Variants in SNTG2 observed in about 807,000 individuals in gnomAD.
SNTG2 encodes syntrophin gamma 2.
Under a neutral mutation model 70.9 loss-of-function variants are expected in SNTG2, and 74 were observed. The observed-to-expected ratio is 1.04, with a 90% CI of 0.86 to 1.27. The LOEUF (loss-of-function observed/expected upper bound fraction) is 1.27. Ranked by LOEUF, SNTG2 falls within the 50% of genes most tolerant of loss-of-function variation. The pLI is 0.00. For missense variants in SNTG2, 717 were observed against 690.7 expected (o/e 1.04, Z -0.43); for synonymous variants, 278 against 273.8 (o/e 1.02, Z -0.15).
intron 1 of SNTG2, among the ~76,000 whole-genome samples, chr2:1,002,955 A>T (rs1212679506): frequency 1.3e-5 from 2 of 152,004 alleles, no homozygotes; most frequent in African/African-American, 4.8e-5. Context: ...AGCAACATGG[A>T]TGGAAGTGGA....
intron 1 of SNTG2, among the ~76,000 whole-genome samples, chr2:1,054,405 G>C (rs1662261255): frequency 6.6e-6 from 1 of 152,186 alleles, no homozygotes; most frequent in East Asian, 1.9e-4. Flanking sequence ...TAACTCTAAT[G>C]AGGGGTTTAC....
chr2:1,139,356 C>T (rs1014538878), intron 6 of SNTG2, among the ~76,000 whole-genome samples: 10 of 152,278 alleles, frequency 6.6e-5, no homozygotes, highest in Admixed American at 5.9e-4. Context: ...CTCAGCCTCC[C>T]AAGGAGCTGG....
chr2:1,054,290 C>T (rs1237393017), intron 1 of SNTG2, among the ~76,000 whole-genome samples: 1 of 151,868 alleles, frequency 6.6e-6, no homozygotes, highest in Admixed American at 6.5e-5. Context: ...GAGAGGCGGC[C>T]CACACCTGGG....
intron 6 of SNTG2, chr2:1,160,577 A>C (rs1015310551): frequency 6.6e-6 from 1 of 152,150 alleles, no homozygotes; most frequent in Non-Finnish European, 1.5e-5. Flanking sequence ...GCTACTCACC[A>C]GCCCATTTCG....
intron 1 of SNTG2, among the ~76,000 whole-genome samples, chr2:1,041,281 A>G (rs1261471282): frequency 2.0e-5 from 3 of 152,176 alleles, no homozygotes; most frequent in Non-Finnish European, 4.4e-5. Context: ...GCCTGCAAGG[A>G]AACTTTGCTA....
In SNTG2 at chr2:1,152,574, GCA is replaced by G. The variant is rs1491319376; in HGVS notation, c.412-12973_412-12972del. On this transcript the variant is annotated intron_variant, in intron 6 of 16. Coordinates refer to ENST00000308624, the MANE Select transcript of SNTG2 (RefSeq NM_018968.4). ...CGTATGTTTCTAGGTGTGCACATGT[GCA>G]TGTGTGTGTGTGCACATGTGCATGT... Among the ~76,000 whole-genome samples the G allele has an allele frequency of 2.8e-3, 108 of 38,352 alleles. 2 individuals are homozygous for G. The East Asian group carries it at 0.062, about 22-fold the overall frequency. 25.2% of individuals were successfully genotyped at this position (38,352 alleles called of 152,430 possible).
At chr2:1,151,693 C>T (rs867293230) in intron 6 of SNTG2, among the ~76,000 whole-genome samples, 1 of 152,152 alleles carries the variant, frequency 6.6e-6, no homozygotes, top group Non-Finnish European at 1.5e-5. Context: ...GGATTTGCTG[C>T]GCGCCCTTTG....
intron 16 of SNTG2, among the ~76,000 whole-genome samples, chr2:1,363,107 C>T (rs547202404): frequency 6.8e-6 from 1 of 146,770 alleles, no homozygotes; most frequent in African/African-American, 2.5e-5. Flanking sequence ...GGAATGACTC[C>T]TGTGAAACCC....
At chr2:1,146,689 G>T (rs1669130760) in intron 6 of SNTG2, among the ~76,000 whole-genome samples, 2 of 152,174 alleles carry the variant, frequency 1.3e-5, no homozygotes, top group Admixed American at 1.3e-4. Context: ...ATTGGTGCAA[G>T]AATAGACAAA....
chr2:1,174,076 G>A (rs958478094), intron 8 of SNTG2, among the ~76,000 whole-genome samples: 1 of 152,258 alleles, frequency 6.6e-6, no homozygotes, highest in Admixed American at 6.5e-5. Context: ...TTGAGCTCCT[G>A]AAATTAAAAA....
At chr2:1,068,613 C>T (rs75723459) in intron 1 of SNTG2, among the ~76,000 whole-genome samples, 1 of 152,164 alleles carries the variant, frequency 6.6e-6, no homozygotes, top group African/African-American at 2.4e-5. Flanking sequence ...ATATTTTGTA[C>T]TGTCGCGTAT....
rs115384686 is a variant in SNTG2 at position 1,251,131 on chromosome 2, C to T, written c.1005+3688C>T. Reference sequence around the variant, plus strand: ...GCCTAGAGAGTAATTCTCAAGATTTCGTAAACCTGTGAAGTTGAATTAGCC... The same window carrying T: ...GCCTAGAGAGTAATTCTCAAGATTTTGTAAACCTGTGAAGTTGAATTAGCC... On this transcript the variant is annotated intron_variant, in intron 12 of 16. Coordinates refer to ENST00000308624, the MANE Select transcript of SNTG2 (RefSeq NM_018968.4). Among the ~76,000 whole-genome samples the T allele has an allele frequency of 6.3e-3, 955 of 152,238 alleles. 3 individuals are homozygous for T. Among genetic ancestry groups the T allele is most frequent in the African/African-American group, 0.018 (745 of 41,550 alleles).
At chr2:1,194,517 C>G (rs998346611) in intron 8 of SNTG2, among the ~76,000 whole-genome samples, 1 of 151,468 alleles carries the variant, frequency 6.6e-6, no homozygotes, top group South Asian at 2.1e-4. Flanking sequence ...TTGGTTGATT[C>G]TTCCTGGCCA....
At chr2:1,329,088 T>C (rs1681882948) in intron 16 of SNTG2, among the ~76,000 whole-genome samples, 1 of 152,214 alleles carries the variant, frequency 6.6e-6, no homozygotes, top group Non-Finnish European at 1.5e-5. Context: ...TTCCTGGTTT[T>C]TTTTTCTTTT....
intron 9 of SNTG2, among the ~76,000 whole-genome samples, chr2:1,211,756 C>T (rs1674060516): frequency 6.6e-6 from 1 of 152,144 alleles, no homozygotes; most frequent in South Asian, 2.1e-4. Context: ...TTACCTCCCA[C>T]CAGGTCCCTC....
intron 8 of SNTG2, among the ~76,000 whole-genome samples, chr2:1,208,178 A>C (rs1442573163): frequency 6.6e-6 from 1 of 152,188 alleles, no homozygotes; most frequent in Non-Finnish European, 1.5e-5. Flanking sequence ...AAATTAAAAC[A>C]CCAGAAATGC....
chr2:1,105,633 G>A (rs1206746254), intron 4 of SNTG2, among the ~76,000 whole-genome samples: 1 of 152,160 alleles, frequency 6.6e-6, no homozygotes, highest in African/African-American at 2.4e-5. Context: ...ATTTCTCTGA[G>A]CATGGTTCAG....
chr2:1,031,528 A>ATTTT (rs745388505), intron 1 of SNTG2, among the ~76,000 whole-genome samples: 34 of 59,082 alleles, frequency 5.8e-4, no homozygotes, highest in Non-Finnish European at 7.9e-4. Context: ...ATATATATAT[A>ATTTT]TTTTTTTTTT....
intron 12 of SNTG2, among the ~76,000 whole-genome samples, chr2:1,255,934 A>AT (rs1491109601): frequency 7.2e-4 from 52 of 71,818 alleles, no homozygotes; most frequent in Non-Finnish European, 1.2e-3. Flanking sequence ...ATAAATATAT[A>AT]AATATATATA....
Sources: gnomAD v4.1 joint callset for allele counts (sites outside exome capture counted in the v4.1 genomes callset) on GRCh38, gnomAD v4.1.1 for gene constraint, MANE v1.5 for transcripts, NCBI Gene and HGNC (gene_info 2026-07-23, HGNC 2026-07-21) for gene names.